Variants in DKK3 observed in about 807,000 individuals in gnomAD.
The protein encoded by DKK3 is dickkopf Wnt signaling pathway inhibitor 3.
DKK3 carries 22 observed loss-of-function variants against 33.2 expected under a neutral mutation model. The observed-to-expected ratio is 0.66, with a 90% CI of 0.47 to 0.95. DKK3 has a LOEUF of 0.95. DKK3 is among the 40% of genes least tolerant of loss of function. The pLI, the probability that DKK3 is intolerant of heterozygous loss-of-function variation, is 0.00. For synonymous variants in DKK3, 194 were observed against 188.8 expected (o/e 1.03, Z -0.23); for missense variants, 398 against 458.4 (o/e 0.87, Z 1.20).
chr11:12,000,177 GTTTT>G (rs1554929147), intron 2 of DKK3, among the ~76,000 whole-genome samples: 5 of 123,246 alleles, frequency 4.1e-5, no homozygotes, highest in African/African-American at 1.3e-4. Flanking sequence ...TAAGACTAGT[GTTTT>G]TTGTTTGTTT....
Position 11,977,345 on chromosome 11 carries a change from C to CT in DKK3, c.436-8859dup, listed in dbSNP as rs1271733513. 5.3e-5 allele frequency among the ~76,000 whole-genome samples: 8 copies of CT among 152,204 alleles called. No homozygotes were observed. The East Asian group carries it at 1.6e-3, about 30-fold the overall frequency. On this transcript the variant is annotated intron_variant, in intron 3 of 6. Coordinates refer to ENST00000683431, the MANE Select transcript of DKK3 (RefSeq NM_001018057.2). The stretch of plus-strand genomic sequence containing the variant: ...TCCAGAGCTCCTCTGGGAGCCTTCT[C>CT]TCTTTGTCGGTCCCTGGAAAAGCTT...
rs753259246 is a variant in DKK3 at position 11,965,769 on chromosome 11, A to AG, written c.830+39dup. 7.5e-6 allele frequency: 12 copies of AG among 1,602,998 alleles called. No individual in the cohort carries two copies. In the East Asian group the frequency reaches 2.0e-4, roughly 27 times the overall value. ...CGCCCCTGCTGGATGGCACCTCCTC[A>AG]GCCCTTGGCTCCCTGAGAGTGAGGG... On this transcript the variant is annotated intron_variant, in intron 6 of 6. Coordinates refer to ENST00000683431, the MANE Select transcript of DKK3 (RefSeq NM_001018057.2).
At chr11:11,993,405 G>A (rs958772410) in intron 3 of DKK3, among the ~76,000 whole-genome samples, 1 of 151,660 alleles carries the variant, frequency 6.6e-6, no homozygotes, top group Admixed American at 6.6e-5. Context: ...TTTGATTGAA[G>A]ACAACCTTTT....
chr11:11,981,833 T>C (rs766003210), intron 3 of DKK3, among the ~76,000 whole-genome samples: 4 of 152,214 alleles, frequency 2.6e-5, no homozygotes, highest in Non-Finnish European at 4.4e-5. Context: ...CTAGGACCCC[T>C]GGGCCTTCTT....
chr11:11,994,128 C>G (rs1848242707), intron 3 of DKK3, among the ~76,000 whole-genome samples: 1 of 152,186 alleles, frequency 6.6e-6, no homozygotes, highest in South Asian at 2.1e-4. Context: ...GGAAAGACGC[C>G]TGTGCCTGTG....
rs1258025756 is a variant in DKK3 at position 11,998,750 on chromosome 11, G to A, written c.381C>T (p.Val127=). The A allele has an allele frequency of 3.1e-6, 5 of 1,614,188 alleles. No homozygotes were observed. The highest frequency in any genetic ancestry group is 4.2e-6 in the Non-Finnish European group (5 of 1,180,024). ...CAGATGTGATAACTGTCTCTGAAAAGACCATTTGTCCAGTCTGGTTGTTGG... is the reference window on the plus strand; with the variant it reads ...CAGATGTGATAACTGTCTCTGAAAAAACCATTTGTCCAGTCTGGTTGTTGG... ...KITNNQTGQM[V]FSETVITSVG... Residue 127 remains valine (V), a synonymous_variant, in exon 3 of 7, where the codon GTC becomes GTT. Transcript: ENST00000683431.
intron 1 of DKK3, among the ~76,000 whole-genome samples, chr11:12,006,958 A>G (rs1848549181): frequency 6.6e-6 from 1 of 152,186 alleles, no homozygotes; most frequent in African/African-American, 2.4e-5. Context: ...CTTCAGAGTT[A>G]AGAGACATTG....
chr11:11,966,820 CTGA>C, intron 5 of DKK3, 131 bp downstream of exon 5: 1 of 1,276,286 alleles, frequency 7.8e-7, no homozygotes, highest in Non-Finnish European at 1.1e-6. Flanking sequence ...GCAGCACACA[CTGA>C]TGAGCATTTG....
chr11:11,976,811 T>C (rs1226806855), intron 3 of DKK3, among the ~76,000 whole-genome samples: 1 of 149,398 alleles, frequency 6.7e-6, no homozygotes, highest in Non-Finnish European at 1.5e-5. Context: ...CCAAGTCAGG[T>C]TTTCCCCATT....
intron 3 of DKK3, among the ~76,000 whole-genome samples, chr11:11,987,138 T>G (rs940859071): frequency 1.3e-5 from 2 of 152,202 alleles, no homozygotes; most frequent in Non-Finnish European, 2.9e-5. Context: ...GTGAAATCCC[T>G]GCCTCCCCAG....
intron 3 of DKK3, among the ~76,000 whole-genome samples, chr11:11,990,416 A>C (rs1422148836): frequency 6.6e-6 from 1 of 152,248 alleles, no homozygotes; most frequent in Non-Finnish European, 1.5e-5. Context: ...TGCAGGGTAC[A>C]GGCTTTGCAG....
chr11:11,983,991 C>T (rs1480739132), intron 3 of DKK3, among the ~76,000 whole-genome samples: 1 of 152,210 alleles, frequency 6.6e-6, no homozygotes, highest in East Asian at 1.9e-4. Context: ...GATGTCACTC[C>T]AATGAAGGCA....
chr11:11,973,951 T>G (rs757829279), intron 3 of DKK3, among the ~76,000 whole-genome samples: 1 of 152,214 alleles, frequency 6.6e-6, no homozygotes, highest in African/African-American at 2.4e-5. Flanking sequence ...CTTCTGATGC[T>G]GCATCTCATT....
rs529212828 is a variant in DKK3, at chr11:11,996,033, G to T, written c.435+2663C>A. On this transcript the variant is annotated intron_variant, in intron 3 of 6. Transcript: ENST00000683431. ...GCATTTGAAGAAAGGAAAGTATAGGGTGTGTGGTGATTACTTTTAATTGAA... is the reference window on the plus strand; with the variant it reads ...GCATTTGAAGAAAGGAAAGTATAGGTTGTGTGGTGATTACTTTTAATTGAA... 2.6e-5 allele frequency among the ~76,000 whole-genome samples: 4 copies of T among 152,322 alleles called. No homozygotes were observed. In the East Asian group the frequency reaches 7.7e-4, roughly 29 times the overall value.
chr11:11,964,524 C>T lies in DKK3; in HGVS notation c.993G>A (p.Glu331=), dbSNP rs1333990987. 3.7e-6 allele frequency: 6 copies of T among 1,614,054 alleles called. No individual in the cohort carries two copies. In the South Asian group the frequency reaches 6.6e-5, roughly 18 times the overall value. ...LEDLERSLTE[E]MALREPAAAA... ...CAGCCGCAGGCTCCCTCAGCGCCATCTCTTCAGTCAGGCTCCTCTCCAGGT... is the reference window on the plus strand; with the variant it reads ...CAGCCGCAGGCTCCCTCAGCGCCATTTCTTCAGTCAGGCTCCTCTCCAGGT... Residue 331 remains glutamate (E), a synonymous_variant, in exon 7 of 7, where the codon GAG becomes GAA. Coordinates refer to ENST00000683431, the MANE Select transcript of DKK3 (RefSeq NM_001018057.2).
intron 3 of DKK3, among the ~76,000 whole-genome samples, chr11:11,986,683 T>C (rs774457876): frequency 6.6e-6 from 1 of 152,202 alleles, no homozygotes; most frequent in Non-Finnish European, 1.5e-5. Context: ...CAGAAATATA[T>C]CTTTTAATTG....
intron 2 of DKK3, chr11:12,002,086 A>C (rs1350776239): frequency 2.1e-6 from 1 of 472,008 alleles, no homozygotes; most frequent in Non-Finnish European, 3.6e-6. Context: ...GGTTAAATAT[A>C]TTGCTTAAAT....
chr11:11,977,073 T>C (rs942253104), intron 3 of DKK3, among the ~76,000 whole-genome samples: 1 of 152,092 alleles, frequency 6.6e-6, no homozygotes, highest in Non-Finnish European at 1.5e-5. Context: ...TATTCTAAAG[T>C]GCCAATGTCT....
intron 3 of DKK3, among the ~76,000 whole-genome samples, chr11:11,974,292 T>C (rs1350046114): frequency 6.6e-6 from 1 of 152,246 alleles, no homozygotes; most frequent in Non-Finnish European, 1.5e-5. Context: ...TTAAGTATAG[T>C]ATGCCTCTCG....
Sources: allele counts gnomAD v4.1 joint callset (sites outside exome capture counted in the v4.1 genomes callset), GRCh38; gene constraint gnomAD v4.1.1; transcripts MANE v1.5; gene names NCBI Gene and HGNC (gene_info 2026-07-23, HGNC 2026-07-21).